Variants in NEUROD4 observed in about 807,000 individuals in gnomAD.
NEUROD4 encodes neurogenic differentiation factor 4.
A neutral mutation model predicts 19.8 loss-of-function variants in NEUROD4; 16 were observed. The ratio of observed to expected loss-of-function variants is 0.81; its 90% CI spans 0.55 to 1.23. The LOEUF (loss-of-function observed/expected upper bound fraction) is 1.23. Ranked by LOEUF, NEUROD4 falls within the 50% of genes most tolerant of loss-of-function variation. NEUROD4 has a pLI of 0.00. For synonymous variants in NEUROD4, 153 were observed against 147.9 expected (o/e 1.03, Z -0.25); for missense variants, 439 against 398.6 (o/e 1.10, Z -0.86).
chr12:55,022,197 C>G (rs1008189700), intron 1 of NEUROD4, among the ~76,000 whole-genome samples: 1 of 152,080 alleles, frequency 6.6e-6, no homozygotes, highest in African/African-American at 2.4e-5. Flanking sequence ...TTTCTGTGCT[C>G]CTTTAATGAG....
chr12:55,027,910 G>C lies in NEUROD4; in HGVS notation c.*475G>C, dbSNP rs1006827154. ...AATTTCTTGAAACTGAAAGAATAGA[G>C]AAATAATAGGAAAGGGATGCTATGC... On this transcript the variant is annotated 3_prime_UTR_variant, in exon 2 of 2. Transcript: ENST00000242994. The C allele has an allele frequency of 6.5e-5, 11 of 168,826 alleles. No homozygotes were observed. Among genetic ancestry groups the C allele is most frequent in the African/African-American group, 2.4e-4 (10 of 41,488 alleles). 10.5% of individuals were successfully genotyped at this position (168,826 alleles called of 1,614,324 possible).
rs193186109 is a variant in NEUROD4 at position 55,029,542 on chromosome 12, C to T, written c.*2107C>T. ...CCTTTCACGAAAATTCCTTTAGCCC[C>T]ATAGATGTGCTTGCAAACCCTTCCT... On this transcript the variant is annotated 3_prime_UTR_variant, in exon 2 of 2. Coordinates refer to ENST00000242994, the MANE Select transcript of NEUROD4 (RefSeq NM_021191.3). 2.0e-4 allele frequency: 34 copies of T among 166,924 alleles called. No individual in the cohort carries two copies. Among genetic ancestry groups the T allele is most frequent in the African/African-American group, 7.7e-4 (32 of 41,508 alleles). 10.3% of individuals were successfully genotyped at this position (166,924 alleles called of 1,614,324 possible). A position where few individuals can be genotyped will look rare whatever the true frequency, so the allele number is the denominator to read the frequency against.
chr12:55,022,751 G>T (rs1952683152), intron 1 of NEUROD4, among the ~76,000 whole-genome samples: 2 of 152,084 alleles, frequency 1.3e-5, no homozygotes, highest in Admixed American at 1.3e-4. Flanking sequence ...AGTTGATAGG[G>T]CTTGGTTTCC....
chr12:55,024,075 T>A (rs1446091833), intron 1 of NEUROD4, among the ~76,000 whole-genome samples: 1 of 152,112 alleles, frequency 6.6e-6, no homozygotes, highest in East Asian at 1.9e-4. Flanking sequence ...TCTCTCCTTT[T>A]CATGCATCTC....
intron 1 of NEUROD4, among the ~76,000 whole-genome samples, chr12:55,021,906 C>T (rs1449928120): frequency 6.6e-6 from 1 of 151,828 alleles, no homozygotes. Context: ...TTGTCATGTT[C>T]GAGCCTATTT....
At chr12:55,022,718 G>T (rs1400226435) in intron 1 of NEUROD4, among the ~76,000 whole-genome samples, 2 of 152,130 alleles carry the variant, frequency 1.3e-5, no homozygotes, top group Non-Finnish European at 2.9e-5. Context: ...TGATGGAAGA[G>T]TTCTAGTCAA....
At chr12:55,021,621 A>G (rs893137357) in intron 1 of NEUROD4, among the ~76,000 whole-genome samples, 7 of 152,232 alleles carry the variant, frequency 4.6e-5, no homozygotes, top group Non-Finnish European at 1.0e-4. Flanking sequence ...AAAAATATTC[A>G]GTAGTAACAA....
Position 55,026,424 on chromosome 12 carries a change from T to G in NEUROD4, c.-9-7T>G. The G allele has an allele frequency of 6.3e-7, 1 of 1,580,598 alleles. No homozygotes were observed. The highest frequency in any genetic ancestry group is 8.6e-7 in the Non-Finnish European group (1 of 1,166,358). ...AGGAATTAACCTTTGATATTTCCCT[T>G]TTCCAGAGTCTGGAAATGTCAAAAA... On this transcript the variant is annotated splice_polypyrimidine_tract_variant and splice_region_variant and intron_variant, in intron 1 of 1. Coordinates refer to ENST00000242994, the MANE Select transcript of NEUROD4 (RefSeq NM_021191.3).
chr12:55,022,418 C>T (rs981096385), intron 1 of NEUROD4, among the ~76,000 whole-genome samples: 167 of 151,996 alleles, frequency 1.1e-3, no homozygotes, highest in African/African-American at 3.9e-3. Flanking sequence ...CTATTTTTTT[C>T]CTGTTAACCT....
chr12:55,029,229 C>T lies in NEUROD4; in HGVS notation c.*1794C>T, dbSNP rs1444949609. Reference sequence around the variant, plus strand: ...AGCACTTACCCTGCTGTATTTTGCACCCTTGGTTTGTAAATTCACTTGAAA... The same window carrying T: ...AGCACTTACCCTGCTGTATTTTGCATCCTTGGTTTGTAAATTCACTTGAAA... On this transcript the variant is annotated 3_prime_UTR_variant, in exon 2 of 2. Coordinates refer to ENST00000242994, the MANE Select transcript of NEUROD4 (RefSeq NM_021191.3). 6.0e-6 allele frequency: 1 copy of T among 166,680 alleles called. No individual in the cohort carries two copies. The highest frequency in any genetic ancestry group is 1.5e-5 in the Non-Finnish European group (1 of 68,086). The allele number at this position is 166,680 out of a possible 1,614,324, so 10.3% of individuals were successfully genotyped here.
chr12:55,027,041 A>G lies in NEUROD4; in HGVS notation c.602A>G (p.Asn201Ser), dbSNP rs1217236172. 2 of 1,614,118 alleles carry G rather than the reference A, an allele frequency of 1.2e-6. No homozygotes were observed. The highest frequency in any genetic ancestry group is 3.3e-5 in the Admixed American group (2 of 60,022). ...TGTGACTCTGCCATCTCTGTCCACA[A>G]CTTCAACTATCAGTCTCCGGGGCTT... Reference protein sequence around the residue: ...PICDSAISVHNFNYQSPGLPS... With the variant: ...PICDSAISVHSFNYQSPGLPS... Residue 201 changes from asparagine to serine, a missense_variant, in exon 2 of 2, where the codon AAC (asparagine) becomes AGC (serine). Transcript: ENST00000242994.
rs1952759174 is a variant in NEUROD4, at chr12:55,028,571, A to C, written c.*1136A>C. 6.0e-6 allele frequency: 1 copy of C among 167,020 alleles called. No homozygotes were observed. The highest frequency in any genetic ancestry group is 1.5e-5 in the Non-Finnish European group (1 of 68,094). The allele number at this position is 167,020 out of a possible 1,614,324, so 10.3% of individuals were successfully genotyped here. ...AAAACCATCCACCTCTGTCCACACC[A>C]ATATATTTTCCAGAAGCACAAGCAC... On this transcript the variant is annotated 3_prime_UTR_variant, in exon 2 of 2. Transcript: ENST00000242994.
intron 1 of NEUROD4, among the ~76,000 whole-genome samples, chr12:55,021,119 A>G (rs1476694067): frequency 6.6e-6 from 1 of 152,244 alleles, no homozygotes; most frequent in East Asian, 1.9e-4. Flanking sequence ...ATCTGAGGCA[A>G]TGGCACCTGA....
intron 1 of NEUROD4, among the ~76,000 whole-genome samples, chr12:55,022,399 T>C (rs1952679531): frequency 6.6e-6 from 1 of 152,136 alleles, no homozygotes; most frequent in African/African-American, 2.4e-5. Flanking sequence ...AATTTAAAAC[T>C]AGATGTTTCT....
rs1952767501 is a variant in NEUROD4, at chr12:55,029,180, TTA to T, written c.*1747_*1748del. The T allele has an allele frequency of 7.0e-6, 1 of 142,454 alleles. No homozygotes were observed. Among genetic ancestry groups the T allele is most frequent in the Non-Finnish European group, 1.6e-5 (1 of 61,844 alleles). 8.8% of individuals were successfully genotyped at this position (142,454 alleles called of 1,614,324 possible). On this transcript the variant is annotated 3_prime_UTR_variant, in exon 2 of 2. Coordinates refer to ENST00000242994, the MANE Select transcript of NEUROD4 (RefSeq NM_021191.3). ...ATTTATTATCTCCATACAGTATAAGTTATTTTTTTTCCATTTTGCTCTCAGCA... is the reference window on the plus strand; with the variant it reads ...ATTTATTATCTCCATACAGTATAAGTTTTTTTTTCCATTTTGCTCTCAGCA...
At chr12:55,023,852 AC>A (rs1952693699) in intron 1 of NEUROD4, among the ~76,000 whole-genome samples, 1 of 152,184 alleles carries the variant, frequency 6.6e-6, no homozygotes, top group South Asian at 2.1e-4. Context: ...TCTTACAGAA[AC>A]CATTAAATAT....
Position 55,026,549 on chromosome 12 carries a change from G to C in NEUROD4, c.110G>C (p.Arg37Thr). The C allele has an allele frequency of 6.2e-7, 1 of 1,614,030 alleles. No individual in the cohort carries two copies. Among genetic ancestry groups the C allele is most frequent in the Non-Finnish European group, 8.5e-7 (1 of 1,179,966 alleles). Residue 37 changes from arginine (R) to threonine (T), a missense_variant, in exon 2 of 2, where the codon AGA becomes ACA. Arg to Thr is a moderately conservative substitution (Grantham distance 71). Coordinates refer to ENST00000242994, the MANE Select transcript of NEUROD4 (RefSeq NM_021191.3). ...SQNEVKEEESRPGTYGMLSSL... is the reference protein window; with the variant it reads ...SQNEVKEEESTPGTYGMLSSL... ...AATGAGGTGAAGGAGGAAGAGAGCA[G>C]ACCAGGTACTTATGGGATGCTCAGC...
At position 55,026,626 on chromosome 12, in the gene NEUROD4, G is replaced by A. The variant is rs1240442756; in HGVS notation, c.187G>A (p.Asp63Asn). The change falls in exon 2 of 2, where the codon GAT becomes AAT. Residue 63 changes from aspartate to asparagine, a missense_variant. Coordinates refer to ENST00000242994, the MANE Select transcript of NEUROD4 (RefSeq NM_021191.3). ...TGAGGAAGAAGAAGAAGAGGAAGAA[G>A]ATGGGGAGAAACCTAAGAGAAGGGG... ...SIEEEEEEEE[D>N]GEKPKRRGPK... is the part of the protein sequence containing the mutation. 2.5e-6 allele frequency: 4 copies of A among 1,613,602 alleles called. No individual in the cohort carries two copies. In the African/African-American group the frequency reaches 4.0e-5, roughly 16 times the overall value.
At position 55,027,047 on chromosome 12, in the gene NEUROD4, A is replaced by G; in HGVS notation, c.608A>G (p.Asn203Ser). Residue 203 changes from asparagine to serine, a missense_variant, in exon 2 of 2, where the codon AAC becomes AGC. Coordinates refer to ENST00000242994, the MANE Select transcript of NEUROD4 (RefSeq NM_021191.3). Reference sequence around the variant, plus strand: ...TCTGCCATCTCTGTCCACAACTTCAACTATCAGTCTCCGGGGCTTCCTAGC... The same window carrying G: ...TCTGCCATCTCTGTCCACAACTTCAGCTATCAGTCTCCGGGGCTTCCTAGC... ...CDSAISVHNF[N>S]YQSPGLPSPP... is the part of the protein sequence containing the mutation. The G allele has an allele frequency of 1.9e-6, 3 of 1,614,120 alleles. No homozygotes were observed. Among genetic ancestry groups the G allele is most frequent in the Non-Finnish European group, 2.5e-6 (3 of 1,180,016 alleles).
Sources: allele counts gnomAD v4.1 joint callset (sites outside exome capture counted in the v4.1 genomes callset), GRCh38; gene constraint gnomAD v4.1.1; transcripts MANE v1.5; gene names NCBI Gene and HGNC (gene_info 2026-07-23, HGNC 2026-07-21).